Variants in NRXN1 observed in about 807,000 individuals in gnomAD.
The protein encoded by NRXN1 is neurexin-1.
Under a neutral mutation model 150.9 loss-of-function variants are expected in NRXN1, and 39 were observed. The observed-to-expected ratio is 0.26, with a 90% CI of 0.20 to 0.34. The LOEUF is 0.34. NRXN1 is among the 10% of genes least tolerant of loss of function. NRXN1 has a pLI of 1.00. For missense variants in NRXN1, 1,815 were observed against 1,949.9 expected (o/e 0.93, Z 1.30); for synonymous variants, 924 against 757.0 (o/e 1.22, Z -3.62).
chr2:50,924,360 G>C (rs909722146), intron 3 of NRXN1, among the ~76,000 whole-genome samples: 6 of 150,142 alleles, frequency 4.0e-5, no homozygotes, highest in African/African-American at 1.5e-4. Flanking sequence ...ATAGCTTATG[G>C]GCCTATATTC....
chr2:50,981,843 A>G (rs35660420), intron 2 of NRXN1, among the ~76,000 whole-genome samples: 15,789 of 142,216 alleles, frequency 0.11, 917 homozygotes, highest in South Asian at 0.18. Context: ...GTGTGTGTGT[A>G]TGTGTGTGTG....
At chr2:50,111,217 A>C (rs927724025) in intron 18 of NRXN1, among the ~76,000 whole-genome samples, 2 of 152,196 alleles carry the variant, frequency 1.3e-5, no homozygotes, top group Non-Finnish European at 2.9e-5. Flanking sequence ...CTTAGGCCCA[A>C]ACTCTCATGT....
At chr2:50,394,841 T>C (rs1446125689) in intron 17 of NRXN1, among the ~76,000 whole-genome samples, 1 of 152,036 alleles carries the variant, frequency 6.6e-6, no homozygotes, top group South Asian at 2.1e-4. Context: ...CTCCTACTCT[T>C]TTTCCTTCCT....
At chr2:50,698,927 A>C (rs918438186) in intron 5 of NRXN1, among the ~76,000 whole-genome samples, 1 of 152,196 alleles carries the variant, frequency 6.6e-6, no homozygotes, top group Non-Finnish European at 1.5e-5. Flanking sequence ...TTTGACTCAT[A>C]GCTCTACCAC....
chr2:50,869,183 C>G (rs1374761380), intron 5 of NRXN1, among the ~76,000 whole-genome samples: 1 of 151,610 alleles, frequency 6.6e-6, no homozygotes, highest in African/African-American at 2.4e-5. Flanking sequence ...AATAATGAAG[C>G]AATTAATAAC....
intron 5 of NRXN1, among the ~76,000 whole-genome samples, chr2:50,651,501 T>G (rs1685618883): frequency 6.7e-6 from 1 of 149,120 alleles, no homozygotes; most frequent in Non-Finnish European, 1.5e-5. Context: ...TGACATGACA[T>G]GACATGACAT....
At chr2:50,627,062 A>T (rs564871388) in intron 5 of NRXN1, among the ~76,000 whole-genome samples, 1 of 152,020 alleles carries the variant, frequency 6.6e-6, no homozygotes, top group East Asian at 1.9e-4. Flanking sequence ...CATGAAATTG[A>T]CATAAAACGA....
At chr2:50,935,552 T>C (rs911047062) in intron 2 of NRXN1, among the ~76,000 whole-genome samples, 10 of 151,956 alleles carry the variant, frequency 6.6e-5, no homozygotes, top group Admixed American at 3.3e-4. Flanking sequence ...TCTGGTGAAA[T>C]TGCATGTCTC....
At chr2:50,106,533 T>C (rs538319688) in intron 18 of NRXN1, among the ~76,000 whole-genome samples, 1 of 151,978 alleles carries the variant, frequency 6.6e-6, no homozygotes, top group Non-Finnish European at 1.5e-5. Context: ...ATACACTTAA[T>C]GACAGGTGAC....
At chr2:50,278,422 G>A (rs2070955304) in intron 17 of NRXN1, among the ~76,000 whole-genome samples, 1 of 148,644 alleles carries the variant, frequency 6.7e-6, no homozygotes. Context: ...AAAGTGCTGG[G>A]ATTACAGATG....
At chr2:50,257,608 AAG>A (rs2067830042) in intron 17 of NRXN1, among the ~76,000 whole-genome samples, 1 of 152,028 alleles carries the variant, frequency 6.6e-6, no homozygotes, top group African/African-American at 2.4e-5. Context: ...CTGAAAGGGT[AAG>A]AGCCTAACCT....
chr2:50,575,874 G>A lies in NRXN1; in HGVS notation c.1321-22849C>T, dbSNP rs974001748. 3.3e-5 allele frequency among the ~76,000 whole-genome samples: 5 copies of A among 152,114 alleles called. No individual in the cohort carries two copies. In the South Asian group the frequency reaches 1.0e-3, roughly 31 times the overall value. On this transcript the variant is annotated intron_variant, in intron 8 of 22. Transcript: ENST00000401669. Reference sequence around the variant, plus strand: ...GGAGGCAAAGCATGACTTCTTTCAAGCAGAATTGCCCTCTCTCGTAACCAG... The same window carrying A: ...GGAGGCAAAGCATGACTTCTTTCAAACAGAATTGCCCTCTCTCGTAACCAG...
At chr2:50,883,932 G>C (rs927661681) in intron 5 of NRXN1, among the ~76,000 whole-genome samples, 1 of 151,776 alleles carries the variant, frequency 6.6e-6, no homozygotes, top group Non-Finnish European at 1.5e-5. Context: ...GTAACAGCCA[G>C]GAAGGGAGCA....
At chr2:50,903,164 C>CT (rs1172195926) in intron 5 of NRXN1, among the ~76,000 whole-genome samples, 1 of 152,024 alleles carries the variant, frequency 6.6e-6, no homozygotes, top group African/African-American at 2.4e-5. Context: ...AGGGCCAGAA[C>CT]TTTTTTTAAA....
intron 2 of NRXN1, among the ~76,000 whole-genome samples, chr2:51,008,649 T>A (rs1477003309): frequency 6.6e-6 from 1 of 151,818 alleles, no homozygotes; most frequent in African/African-American, 2.4e-5. Context: ...ATCATTTTAA[T>A]TGTGTATAAA....
intron 8 of NRXN1, among the ~76,000 whole-genome samples, chr2:50,611,916 A>G (rs147878943): frequency 6.8e-4 from 103 of 152,286 alleles, no homozygotes; most frequent in African/African-American, 1.9e-3. Context: ...CTTCTCCCCA[A>G]TCAGATCTTC....
chr2:50,633,912 T>C (rs1433316249), intron 5 of NRXN1, among the ~76,000 whole-genome samples: 1 of 152,042 alleles, frequency 6.6e-6, no homozygotes, highest in Non-Finnish European at 1.5e-5. Flanking sequence ...GGGAAGTTGT[T>C]TTAGATGATT....
intron 5 of NRXN1, among the ~76,000 whole-genome samples, chr2:50,860,657 G>A (rs1675997561): frequency 6.6e-6 from 1 of 152,038 alleles, no homozygotes; most frequent in South Asian, 2.1e-4. Context: ...AGCCACACAG[G>A]AGTTTAGTTT....
intron 18 of NRXN1, among the ~76,000 whole-genome samples, chr2:50,192,588 C>A (rs573982145): frequency 1.3e-5 from 2 of 148,762 alleles, no homozygotes; most frequent in Non-Finnish European, 3.0e-5. Flanking sequence ...GCATACAAAT[C>A]GGAAGAATAT....
Sources: gnomAD v4.1 joint callset for allele counts (sites outside exome capture counted in the v4.1 genomes callset) on GRCh38, gnomAD v4.1.1 for gene constraint, MANE v1.5 for transcripts, NCBI Gene and HGNC (gene_info 2026-07-23, HGNC 2026-07-21) for gene names.